Variants in KANTR observed in about 807,000 individuals in gnomAD.
KANTR encodes the protein KANTR integral membrane protein.
downstream of KANTR, among the ~76,000 whole-genome samples, chrX:53,130,573 T>C (rs1278736823): frequency 2.7e-5 from 3 of 112,762 alleles, no homozygotes; most frequent in African/African-American, 9.7e-5. Flanking sequence ...CTGGGGATAG[T>C]AGTAATATGC....
Position 53,114,185 on chromosome X carries a change from G to A in KANTR, c.-804-9284G>A, listed in dbSNP as rs1035438745. On this transcript the variant is annotated intron_variant, in intron 2 of 2. Transcript: ENST00000604062. ...CTCCCAAGGTGTTGGGATTACAGGC[G>A]TGAGCCACCGCACCAGGTTAAAAAA... Among the ~76,000 whole-genome samples the A allele has an allele frequency of 4.5e-5, 5 of 111,221 alleles. No individual in the cohort carries two copies. In the East Asian group the frequency reaches 1.1e-3, roughly 25 times the overall value.
At chrX:53,120,985 GTGT>G (rs1933210226) in intron 2 of KANTR, among the ~76,000 whole-genome samples, 1 of 105,962 alleles carries the variant, frequency 9.4e-6, no homozygotes, top group African/African-American at 3.5e-5. Context: ...GCCTCCCAAG[GTGT>G]TGTTTTTTTT....
intron 2 of KANTR, among the ~76,000 whole-genome samples, chrX:53,136,693 C>CATATATTTATATATATATATAT (rs1933426347): frequency 1.1e-4 from 1 of 9,300 alleles, no homozygotes; most frequent in African/African-American, 1.9e-4. Context: ...CCACGCCCGG[C>CATATATTTATATATATATATAT]ATATATATAT....
intron 2 of KANTR, among the ~76,000 whole-genome samples, chrX:53,139,819 T>A (rs1456778843): frequency 9.0e-6 from 1 of 110,787 alleles, no homozygotes; most frequent in African/African-American, 3.3e-5. Context: ...AGCAAGACCC[T>A]GTTTTTAAAA....
At chrX:53,118,100 G>A (rs1933160095) in intron 2 of KANTR, among the ~76,000 whole-genome samples, 1 of 111,851 alleles carries the variant, frequency 8.9e-6, no homozygotes, top group Non-Finnish European at 1.9e-5. Context: ...CTTATGGACA[G>A]TGCTACCATG....
At chrX:53,146,746 A>G (rs1371786355), downstream of KANTR, among the ~76,000 whole-genome samples, 4 of 112,213 alleles carry the variant, frequency 3.6e-5, no homozygotes, top group Admixed American at 9.5e-5. Flanking sequence ...CCACAAAGGG[A>G]AGCCCATCAG....
rs141934842 is a variant in KANTR at position 53,118,322 on chromosome X, A to C, written c.-804-5147A>C. Among the ~76,000 whole-genome samples, 14 of 111,774 alleles carry C rather than the reference A, an allele frequency of 1.3e-4. No homozygotes were observed. In the East Asian group the frequency reaches 3.9e-3, roughly 31 times the overall value. ...TACACTTGATATTGTCCTCCTTCTTATTTTTTGTTATTACACTGAGTGTAA... is the reference window on the plus strand; with the variant it reads ...TACACTTGATATTGTCCTCCTTCTTCTTTTTTGTTATTACACTGAGTGTAA... On this transcript the variant is annotated intron_variant, in intron 2 of 2. Transcript: ENST00000604062.
At chrX:53,106,330 C>T (rs183731708) in intron 2 of KANTR, among the ~76,000 whole-genome samples, 39 of 110,279 alleles carry the variant, frequency 3.5e-4, no homozygotes, top group Non-Finnish European at 1.5e-4. Context: ...ATCAGGGTGA[C>T]AAAGATTTAT....
At chrX:53,094,272 C>A (rs1370021433) in exon 1 of KANTR, 2 of 111,272 alleles carry the variant, frequency 1.8e-5, no homozygotes, top group African/African-American at 6.6e-5. Context: ...GCGGCGACGG[C>A]CGGAGGTGTA....
At chrX:53,143,293 C>T (rs1556818754), downstream of KANTR, 21 of 604,247 alleles carry the variant, frequency 3.5e-5, no homozygotes, top group South Asian at 4.2e-4. Flanking sequence ...TCGTTGATGT[C>T]GCGCACAATC....
intron 1 of KANTR, among the ~76,000 whole-genome samples, chrX:53,099,222 A>G (rs1932869807): frequency 9.0e-6 from 1 of 110,672 alleles, no homozygotes; most frequent in African/African-American, 3.3e-5. Flanking sequence ...TATACAGAAA[A>G]ATTAGCCAGG....
At chrX:53,101,327 C>T (rs1297150284) in intron 2 of KANTR, among the ~76,000 whole-genome samples, 3 of 112,101 alleles carry the variant, frequency 2.7e-5, no homozygotes, top group African/African-American at 6.5e-5. Flanking sequence ...TGTTGAAGGC[C>T]GGGCGCAATG....
chrX:53,094,613 C>G (rs1460137995), intron 1 of KANTR: 1 of 111,667 alleles, frequency 9.0e-6, no homozygotes, highest in African/African-American at 3.3e-5. Flanking sequence ...CTTTGCATCC[C>G]CTCTCCCATC....
At chrX:53,136,693 C>CAT (rs58263602) in intron 2 of KANTR, among the ~76,000 whole-genome samples, 418 of 9,271 alleles carry the variant, frequency 0.045, 24 homozygotes, top group African/African-American at 0.069. Flanking sequence ...CCACGCCCGG[C>CAT]ATATATATAT....
At chrX:53,133,158 A>G (rs1259039951) in intron 2 of KANTR, among the ~76,000 whole-genome samples, 1 of 109,873 alleles carries the variant, frequency 9.1e-6, no homozygotes, top group Non-Finnish European at 1.9e-5. Flanking sequence ...GCTTGAGCCT[A>G]GGAGTTCAGT....
intron 2 of KANTR, among the ~76,000 whole-genome samples, chrX:53,114,157 G>A (rs781810960): frequency 1.4e-4 from 16 of 110,725 alleles, no homozygotes; most frequent in Non-Finnish European, 2.7e-4. Flanking sequence ...TGCCTGCCTC[G>A]GCCTCCCAAG....
chrX:53,102,984 GTTT>G (rs150831481), intron 2 of KANTR, among the ~76,000 whole-genome samples: 1,212 of 73,838 alleles, frequency 0.016, 8 homozygotes, highest in Non-Finnish European at 0.024. Context: ...TGTTTTGTTT[GTTT>G]TTTTTTTTTT....
intron 2 of KANTR, among the ~76,000 whole-genome samples, chrX:53,120,411 CTGTAGATCAT>C (rs1468480715): frequency 1.8e-5 from 2 of 111,658 alleles, no homozygotes; most frequent in African/African-American, 6.5e-5. Flanking sequence ...TGCAGTGAAT[CTGTAGATCAT>C]TTTGAAGAGA....
chrX:53,133,891 TCTTAGGGAAACTGAAGCCA>T, intron 2 of KANTR, among the ~76,000 whole-genome samples: 1 of 111,532 alleles, frequency 9.0e-6, no homozygotes, highest in Non-Finnish European at 1.9e-5. Context: ...TCTTGTAAAC[TCTTAGGGAAACTGAAGCCA>T]GACTCACTAT....
Sources: gnomAD v4.1 joint callset for allele counts (sites outside exome capture counted in the v4.1 genomes callset) on GRCh38, gnomAD v4.1.1 for gene constraint, MANE v1.5 for transcripts, NCBI Gene and HGNC (gene_info 2026-07-23, HGNC 2026-07-21) for gene names.